Variants in ARHGAP8 observed in about 807,000 individuals in gnomAD.
ARHGAP8 encodes rho GTPase-activating protein 8.
A neutral mutation model predicts 46.1 loss-of-function variants in ARHGAP8; 62 were observed. The observed-to-expected ratio is 1.34, with a 90% CI of 1.10 to 1.66. The LOEUF (loss-of-function observed/expected upper bound fraction) is 1.66. Ranked by LOEUF, ARHGAP8 falls within the 40% of genes most tolerant of loss-of-function variation. The pLI is 0.00. For synonymous variants in ARHGAP8, 375 were observed against 243.1 expected, an observed-to-expected ratio of 1.54 and a Z score of -5.05; for missense variants, 923 against 568.4, an observed-to-expected ratio of 1.62 and a Z score of -6.34.
At chr22:44,804,888 G>A (rs1050416984) in intron 3 of ARHGAP8, among the ~76,000 whole-genome samples, 15 of 152,334 alleles carry the variant, frequency 9.8e-5, no homozygotes, top group African/African-American at 3.4e-4. Flanking sequence ...AGCAGGTGCC[G>A]GGAGCGACTT....
At chr22:44,768,022 C>CA (rs1428919756) in intron 1 of ARHGAP8, among the ~76,000 whole-genome samples, 1 of 42,112 alleles carries the variant, frequency 2.4e-5, no homozygotes, top group Non-Finnish European at 4.1e-5. Flanking sequence ...TTTTGTGAGA[C>CA]AGAGTCTTGC....
At chr22:44,790,772 T>A in intron 2 of ARHGAP8, among the ~76,000 whole-genome samples, 1 of 138,288 alleles carries the variant, frequency 7.2e-6, no homozygotes. Flanking sequence ...TTGCACTCTC[T>A]CCCAGGCTGG....
At chr22:44,812,644 C>T (rs990694774) in intron 4 of ARHGAP8, among the ~76,000 whole-genome samples, 4 of 152,140 alleles carry the variant, frequency 2.6e-5, no homozygotes, top group South Asian at 2.1e-4. Context: ...TGTGAGCCAC[C>T]GCGCCCTGCC....
intron 11 of ARHGAP8, among the ~76,000 whole-genome samples, chr22:44,860,748 G>A (rs181801758): frequency 1.0e-4 from 13 of 126,398 alleles, no homozygotes; most frequent in African/African-American, 3.6e-4. Flanking sequence ...GCAAAAACCT[G>A]TGCAGCCAAC....
chr22:44,813,608 C>T (rs764974060), intron 4 of ARHGAP8, among the ~76,000 whole-genome samples: 1 of 151,540 alleles, frequency 6.6e-6, no homozygotes, highest in Non-Finnish European at 1.5e-5. Context: ...TACACCTACA[C>T]ACACTTACGC....
intron 4 of ARHGAP8, among the ~76,000 whole-genome samples, chr22:44,812,432 C>G (rs1448208547): frequency 6.6e-6 from 1 of 150,470 alleles, no homozygotes; most frequent in African/African-American, 2.4e-5. Context: ...TCTTGGCTCA[C>G]GGCAACCTCT....
intron 11 of ARHGAP8, 82 bp downstream of exon 11, chr22:44,859,916 T>G (rs537628297): frequency 2.3e-5 from 34 of 1,495,834 alleles, no homozygotes; most frequent in African/African-American, 1.6e-4. Context: ...AGTCCCCTCC[T>G]TGCCCTGGGT....
chr22:44,834,701 G>A (rs1931167928), intron 7 of ARHGAP8, among the ~76,000 whole-genome samples: 1 of 152,086 alleles, frequency 6.6e-6, no homozygotes, highest in Non-Finnish European at 1.5e-5. Flanking sequence ...GAAAGTGGGG[G>A]ATTGAAGTCT....
intron 10 of ARHGAP8, 86 bp from the exon 11 acceptor site, chr22:44,859,645 C>G (rs559625737): frequency 1.4e-6 from 2 of 1,444,108 alleles, no homozygotes; most frequent in Non-Finnish European, 1.9e-6. Flanking sequence ...GCTGTCCTTC[C>G]TACACCCCTG....
intron 10 of ARHGAP8, among the ~76,000 whole-genome samples, chr22:44,858,720 G>C (rs2070320199): frequency 2.0e-5 from 3 of 146,944 alleles, no homozygotes; most frequent in South Asian, 4.3e-4. Flanking sequence ...GGTAGATGTG[G>C]TTATAAGGGT....
At chr22:44,859,903 A>G (rs2070384521) in intron 11 of ARHGAP8, 69 bp downstream of exon 11, 1 of 1,538,546 alleles carries the variant, frequency 6.5e-7, no homozygotes, top group African/African-American at 1.4e-5. Context: ...GCCCGCATGG[A>G]CCAGTCCCCT....
intron 1 of ARHGAP8, among the ~76,000 whole-genome samples, chr22:44,771,591 G>C (rs9626552): frequency 0.41 from 60,560 of 149,422 alleles, 13,856 homozygotes; most frequent in East Asian, 0.75. Context: ...TCTTGCTCTT[G>C]TCCCCCAGGC....
At chr22:44,810,736 G>T (rs1304739098) in intron 4 of ARHGAP8, among the ~76,000 whole-genome samples, 2 of 152,222 alleles carry the variant, frequency 1.3e-5, no homozygotes, top group African/African-American at 4.8e-5. Context: ...GTGGCCAGAT[G>T]CAAGAAAGAG....
chr22:44,772,893 A>AT (rs1716471079), intron 1 of ARHGAP8, among the ~76,000 whole-genome samples: 1 of 139,466 alleles, frequency 7.2e-6, no homozygotes, highest in African/African-American at 2.7e-5. Context: ...ATCATGTCTC[A>AT]TTGCAGCCCT....
chr22:44,792,117 A>G (rs1466038409), intron 2 of ARHGAP8, among the ~76,000 whole-genome samples: 4 of 151,292 alleles, frequency 2.6e-5, no homozygotes, highest in Admixed American at 2.0e-4. Context: ...GGTTCAAGCG[A>G]TTCTCTGCCT....
intron 1 of ARHGAP8, among the ~76,000 whole-genome samples, chr22:44,774,331 G>T (rs1304204203): frequency 6.6e-6 from 1 of 152,276 alleles, no homozygotes; most frequent in African/African-American, 2.4e-5. Context: ...AAGGTAGTGA[G>T]TGTCCTATCA....
intron 10 of ARHGAP8, among the ~76,000 whole-genome samples, chr22:44,852,214 AAAAGGAAGGG>A (rs1569180872): frequency 1.4e-5 from 2 of 142,938 alleles, no homozygotes; most frequent in Admixed American, 7.1e-5. Flanking sequence ...AAAAAAAAAA[AAAAGGAAGGG>A]AGGAAGGAAG....
intron 1 of ARHGAP8, among the ~76,000 whole-genome samples, chr22:44,773,791 C>G (rs1446531281): frequency 1.3e-5 from 2 of 152,188 alleles, no homozygotes; most frequent in Admixed American, 6.5e-5. Context: ...CCATGTTGCC[C>G]AGGTTGGTCT....
intron 7 of ARHGAP8, among the ~76,000 whole-genome samples, chr22:44,827,549 G>A (rs113819938): frequency 0.013 from 1,990 of 151,920 alleles, 47 homozygotes; most frequent in African/African-American, 0.047. Flanking sequence ...CACCATGTTG[G>A]CCAGGCTGGT....
Sources: allele counts gnomAD v4.1 joint callset (sites outside exome capture counted in the v4.1 genomes callset), GRCh38; gene constraint gnomAD v4.1.1; transcripts MANE v1.5; gene names NCBI Gene and HGNC (gene_info 2026-07-23, HGNC 2026-07-21).